The following ZNF445 variants were observed in gnomAD, a reference collection of about 807,000 sequenced individuals.
The protein encoded by ZNF445 is zinc finger protein 168.
In ZNF445, 19 loss-of-function variants were observed where a neutral mutation model predicts 93.9. The ratio of observed to expected loss-of-function variants is 0.20; its 90% CI spans 0.14 to 0.30. The LOEUF is 0.30. Among genes scored for constraint, ZNF445 ranks in the 10% least tolerant of loss-of-function variants. The pLI is 1.00. For synonymous variants in ZNF445, 449 were observed against 446.3 expected (o/e 1.01, Z -0.08); for missense variants, 1,058 against 1,259.4 (o/e 0.84, Z 2.42).
intron 1 of ZNF445, among the ~76,000 whole-genome samples, chr3:44,462,422 T>C (rs1698129255): frequency 6.6e-6 from 1 of 152,208 alleles, no homozygotes; most frequent in Admixed American, 6.5e-5. Flanking sequence ...AAGCTTGAAA[T>C]TGGCTTCTCT....
chr3:44,447,280 T>C lies in ZNF445; in HGVS notation c.2391A>G (p.Lys797=), dbSNP rs753080536. The change falls in exon 8 of 8, where the codon AAA becomes AAG. Residue 797 remains lysine, a synonymous_variant. Coordinates refer to ENST00000396077, the MANE Select transcript of ZNF445 (RefSeq NM_181489.6). The surrounding 1 kb of genome is among the most constrained non-coding windows in gnomAD (Gnocchi z 4.7). ...EKPYKCRECG[K]AFRWSSNLYR... ...AGAGATTGGAACTCCATCTGAAGGC[T>C]TTCCCACACTCCCTGCACTTATATG... 1.2e-6 allele frequency: 2 copies of C among 1,614,184 alleles called. No homozygotes were observed. Among genetic ancestry groups the C allele is most frequent in the East Asian group, 4.5e-5 (2 of 44,876 alleles).
At position 44,450,522 on chromosome 3, in the gene ZNF445, C is replaced by G; in HGVS notation, c.745G>C (p.Gly249Arg). ...VEVTFSQDEW[G>R]WLDSAQRNLY... ...TTCCTCTGAGCAGAGTCCAGCCACC[C>G]CCACTCGTCCTGGGAGAAGGTCACC... Residue 249 changes from glycine to arginine, a missense_variant, in exon 6 of 8, where the codon GGG becomes CGG. By Grantham distance (125) the Gly-to-Arg change is moderately radical. Transcript: ENST00000396077. 2 of 1,614,160 alleles carry G rather than the reference C, an allele frequency of 1.2e-6. No homozygotes were observed. The highest frequency in any genetic ancestry group is 1.7e-6 in the Non-Finnish European group (2 of 1,180,032).
chr3:44,446,821 C>T lies in ZNF445; in HGVS notation c.2850G>A (p.Met950Ile). ...RLQKLKPSEE[M>I]PLEDCKEACS... ...AAGCTTCTTTGCAGTCTTCGAGGGG[C>T]ATCTCTTCACTTGGTTTTAGCTTCT... Residue 950 changes from methionine to isoleucine, a missense_variant, in exon 8 of 8, where the codon ATG becomes ATA. Met to Ile is a conservative substitution (Grantham distance 10). Coordinates refer to ENST00000396077, the MANE Select transcript of ZNF445 (RefSeq NM_181489.6). This position sits in a 1 kb window ranked among gnomAD's most constrained non-coding sequence, Gnocchi z 4.2. The T allele has an allele frequency of 1.9e-6, 3 of 1,614,136 alleles. No homozygotes were observed. Among genetic ancestry groups the T allele is most frequent in the Non-Finnish European group, 2.5e-6 (3 of 1,180,044 alleles).
intron 3 of ZNF445, 22 bp downstream of exon 3, chr3:44,455,099 C>A: frequency 6.2e-7 from 1 of 1,613,918 alleles, no homozygotes; most frequent in African/African-American, 1.3e-5. Flanking sequence ...TCCCTGGGCA[C>A]CACACACTTG....
chr3:44,455,493 C>T lies in ZNF445; in HGVS notation c.57G>A (p.Glu19=), dbSNP rs750506714. ...TCTTTACTGTCTGAAGCCGCCCTCGCTCCCTCGAAGACTGGGCCTGAGCTG... is the reference window on the plus strand; with the variant it reads ...TCTTTACTGTCTGAAGCCGCCCTCGTTCCCTCGAAGACTGGGCCTGAGCTG... ...AYPAQAQSSR[E]RGRLQTVKKE... Residue 19 remains glutamate (E), a synonymous_variant, in exon 3 of 8, where the codon GAG becomes GAA. Coordinates refer to ENST00000396077, the MANE Select transcript of ZNF445 (RefSeq NM_181489.6). 4.3e-6 allele frequency: 7 copies of T among 1,613,022 alleles called. No individual in the cohort carries two copies. Among genetic ancestry groups the T allele is most frequent in the Non-Finnish European group, 5.9e-6 (7 of 1,179,368 alleles).
At chr3:44,471,393 A>G (rs1043536490) in intron 1 of ZNF445, among the ~76,000 whole-genome samples, 1 of 152,224 alleles carries the variant, frequency 6.6e-6, no homozygotes, top group Non-Finnish European at 1.5e-5. Context: ...GTGTCTACAA[A>G]AAGTGTGAGA....
rs569839643 is a variant in ZNF445, at chr3:44,432,951, T to C, written c.*13624A>G. On this transcript the variant is annotated 3_prime_UTR_variant, in exon 8 of 8. Transcript: ENST00000396077. ...AAAATTCTGCTCATGGATTCATCCCTGCAGTAGGTTCATTTTCAGGTGGAA... is the reference window on the plus strand; with the variant it reads ...AAAATTCTGCTCATGGATTCATCCCCGCAGTAGGTTCATTTTCAGGTGGAA... The C allele has an allele frequency of 2.6e-5, 4 of 152,202 alleles. No homozygotes were observed. Among genetic ancestry groups the C allele is most frequent in the Admixed American group, 2.0e-4 (3 of 15,274 alleles). 9.4% of individuals were successfully genotyped at this position (152,202 alleles called of 1,614,324 possible).
rs777430688 is a variant in ZNF445 at position 44,447,695 on chromosome 3, C to G, written c.1976G>C (p.Arg659Pro). 6.2e-7 allele frequency: 1 copy of G among 1,614,150 alleles called. No individual in the cohort carries two copies. Among genetic ancestry groups the G allele is most frequent in the Non-Finnish European group, 8.5e-7 (1 of 1,180,040 alleles). Residue 659 changes from arginine to proline, a missense_variant, in exon 8 of 8, where the codon CGT becomes CCT. Around this residue, in one of 3 missense-constraint regions of ZNF445, gnomAD observed 387 missense variants for 475.7 expected, o/e 0.81. Transcript: ENST00000396077. This position sits in a 1 kb window ranked among gnomAD's most constrained non-coding sequence, Gnocchi z 4.7. ...EEKFYKQDEC[R>P]EGFRQSPDCS... ...GTCAGGAGATTGCCTGAAGCCTTCA[C>G]GACATTCATCTTGTTTGTAGAATTT...
intron 1 of ZNF445, among the ~76,000 whole-genome samples, chr3:44,466,635 C>T (rs559001628): frequency 3.0e-4 from 45 of 152,230 alleles, no homozygotes; most frequent in Non-Finnish European, 5.3e-4. Flanking sequence ...TTGTCATCCA[C>T]GGACAATTGT....
intron 1 of ZNF445, among the ~76,000 whole-genome samples, chr3:44,464,627 A>G (rs913353373): frequency 6.6e-6 from 1 of 152,228 alleles, no homozygotes; most frequent in African/African-American, 2.4e-5. Context: ...CAAATGCTTT[A>G]AGGTCAAATT....
rs1387634831 is a variant in ZNF445 at position 44,450,460 on chromosome 3, G to A, written c.807C>T (p.Asn269=). ...TCGATTACTTACCCAGGGAAGCCAT[G>A]TTCCTATAATTCTCCAGCATCACAT... ...YRDVMLENYR[N]MASLVGPFTK... is the part of the protein sequence containing the mutation. Residue 269 remains asparagine (N), a synonymous_variant, in exon 6 of 8, where the codon AAC becomes AAT. Transcript: ENST00000396077. 2 of 1,614,202 alleles carry A rather than the reference G, an allele frequency of 1.2e-6. No individual in the cohort carries two copies. Among genetic ancestry groups the A allele is most frequent in the Admixed American group, 1.7e-5 (1 of 60,022 alleles).
chr3:44,469,927 A>T (rs1040442127), intron 1 of ZNF445, among the ~76,000 whole-genome samples: 1 of 152,140 alleles, frequency 6.6e-6, no homozygotes, highest in Non-Finnish European at 1.5e-5. Context: ...TTGTAAGGAA[A>T]TGTCTCAGGC....
rs1697762112 is a variant in ZNF445, at chr3:44,439,365, A to G, written c.*7210T>C. The G allele has an allele frequency of 6.6e-6, 1 of 151,858 alleles. No individual in the cohort carries two copies. Among genetic ancestry groups the G allele is most frequent in the African/African-American group, 2.4e-5 (1 of 41,320 alleles). The allele number at this position is 151,858 out of a possible 1,614,324, so 9.4% of individuals were successfully genotyped here. Reference sequence around the variant, plus strand: ...CAAAAAGCAGTGGTGACCATAGGTCATGAGCAACGTCAGCGGACTTTTGGA... The same window carrying G: ...CAAAAAGCAGTGGTGACCATAGGTCGTGAGCAACGTCAGCGGACTTTTGGA... On this transcript the variant is annotated 3_prime_UTR_variant, in exon 8 of 8. Coordinates refer to ENST00000396077, the MANE Select transcript of ZNF445 (RefSeq NM_181489.6).
chr3:44,465,887 C>T (rs1350780753), intron 1 of ZNF445, among the ~76,000 whole-genome samples: 1 of 152,154 alleles, frequency 6.6e-6, no homozygotes, highest in Non-Finnish European at 1.5e-5. Flanking sequence ...GCACTCCAGA[C>T]TGGGCTACAG....
At chr3:44,466,606 T>C (rs767751445) in intron 1 of ZNF445, among the ~76,000 whole-genome samples, 11 of 152,240 alleles carry the variant, frequency 7.2e-5, no homozygotes, top group Non-Finnish European at 1.2e-4. Flanking sequence ...TCTTTAACTG[T>C]GGCTGCCCTA....
At chr3:44,468,661 G>A (rs1471719188) in intron 1 of ZNF445, among the ~76,000 whole-genome samples, 28 of 121,642 alleles carry the variant, frequency 2.3e-4, no homozygotes, top group Admixed American at 2.2e-3. Flanking sequence ...CTTGTGGCCC[G>A]CCCCCACCCC....
rs1020531530 is a variant in ZNF445, at chr3:44,450,445, A to G, written c.820+2T>C. The G allele has an allele frequency of 1.2e-6, 2 of 1,613,982 alleles. No homozygotes were observed. The highest frequency in any genetic ancestry group is 2.7e-5 in the African/African-American group (2 of 74,890). ...AGAAGCATGAGGATATCGATTACTT[A>G]CCCAGGGAAGCCATGTTCCTATAAT... On this transcript the variant is annotated splice_donor_variant, in intron 6 of 7. Coordinates refer to ENST00000396077, the MANE Select transcript of ZNF445 (RefSeq NM_181489.6). LOFTEE classifies it high-confidence loss of function.
Position 44,445,876 on chromosome 3 carries a change from T to C in ZNF445, c.*699A>G, listed in dbSNP as rs1454187157. ...CTCTGGCAAACACACCAGCGCCTGG[T>C]GTATGGGAGTGCTCAGCACATTTCT... On this transcript the variant is annotated 3_prime_UTR_variant, in exon 8 of 8. Coordinates refer to ENST00000396077, the MANE Select transcript of ZNF445 (RefSeq NM_181489.6). 6.6e-6 allele frequency: 1 copy of C among 152,506 alleles called. No homozygotes were observed. Among genetic ancestry groups the C allele is most frequent in the African/African-American group, 2.4e-5 (1 of 41,456 alleles). The allele number at this position is 152,506 out of a possible 1,614,324, so 9.4% of individuals were successfully genotyped here. A position where few individuals can be genotyped will look rare whatever the true frequency, so the allele number is the denominator to read the frequency against.
At chr3:44,451,522 A>G in intron 3 of ZNF445, 40 bp from the exon 4 acceptor site, 2 of 1,579,394 alleles carry the variant, frequency 1.3e-6, no homozygotes, top group Non-Finnish European at 1.7e-6. Flanking sequence ...CTTTCTGGGA[A>G]TCAGAAAGCA....
Sources: allele counts gnomAD v4.1 joint callset (sites outside exome capture counted in the v4.1 genomes callset), GRCh38; gene constraint gnomAD v4.1.1; regional missense constraint gnomAD v4.1.1; non-coding constraint Gnocchi (gnomAD v3.1); transcripts MANE v1.5; gene names NCBI Gene and HGNC (gene_info 2026-07-23, HGNC 2026-07-21).